The following FLACC1 variants were observed in gnomAD, a reference collection of about 807,000 sequenced individuals.
FLACC1 encodes flagellum associated containing coiled-coil domains 1.
A neutral mutation model predicts 62.8 loss-of-function variants in FLACC1; 66 were observed. That is an observed-to-expected ratio of 1.05 (90% CI 0.86 to 1.29). FLACC1 has a LOEUF of 1.29. FLACC1 is among the 50% of genes most tolerant of loss of function. FLACC1 has a pLI of 0.00. For synonymous variants in FLACC1, 156 were observed against 161.0 expected (o/e 0.97, Z 0.24); for missense variants, 452 against 489.1 (o/e 0.92, Z 0.71).
At chr2:201,312,946 T>G (rs1414222429) in intron 9 of FLACC1, among the ~76,000 whole-genome samples, 1 of 152,206 alleles carries the variant, frequency 6.6e-6, no homozygotes, top group Non-Finnish European at 1.5e-5. Flanking sequence ...ACAACCTCAC[T>G]GGGGAACCTG....
In FLACC1 at chr2:201,289,516, T is replaced by A. The variant is rs1181765133; in HGVS notation, c.1083A>T (p.Glu361Asp). 6.2e-7 allele frequency: 1 copy of A among 1,614,210 alleles called. No individual in the cohort carries two copies. The highest frequency in any genetic ancestry group is 1.7e-5 in the Admixed American group (1 of 60,020). Residue 361 changes from glutamate (E) to aspartate (D), a missense_variant, in exon 14 of 15, where the codon GAA becomes GAT. By Grantham distance (45) the Glu-to-Asp change is conservative. This residue lies in a region of FLACC1 where 301 missense variants were observed against 318.4 expected (regional missense o/e 0.95). Coordinates refer to ENST00000392257, the MANE Select transcript of FLACC1 (RefSeq NM_001127391.3). ...TGGTGTGCTTATACTTTTCTTCAGT[T>A]TCAGCAAACTTGGTTTGAAGCATTT... is the stretch of plus-strand genomic sequence containing the variant. ...LEKMLQTKFA[E>D]TEEKYKHTIQ...
chr2:201,327,249 C>T (rs1950514149), intron 9 of FLACC1, among the ~76,000 whole-genome samples: 1 of 152,060 alleles, frequency 6.6e-6, no homozygotes, highest in Admixed American at 6.6e-5. Flanking sequence ...CTCTTCCAGT[C>T]ATTGGCTTAG....
intron 5 of FLACC1, 152 bp from the exon 6 acceptor site, chr2:201,344,415 G>T: frequency 7.5e-6 from 5 of 663,706 alleles, no homozygotes; most frequent in Non-Finnish European, 5.3e-6. Flanking sequence ...GGTGGGGGTG[G>T]AGGGATAGGG....
intron 9 of FLACC1, 122 bp from the exon 10 acceptor site, chr2:201,309,372 C>T (rs1316292564): frequency 2.8e-6 from 2 of 726,906 alleles, no homozygotes; most frequent in Admixed American, 4.4e-5. Flanking sequence ...GGGCCCATCA[C>T]CATGTTCTGT....
chr2:201,330,453 G>A lies in FLACC1; in HGVS notation c.675+17C>T. The A allele has an allele frequency of 9.9e-6, 16 of 1,609,316 alleles. No individual in the cohort carries two copies. Among genetic ancestry groups the A allele is most frequent in the Non-Finnish European group, 1.3e-5 (15 of 1,177,130 alleles). On this transcript the variant is annotated intron_variant, in intron 9 of 14. Transcript: ENST00000392257. ...CCTTCCTTCTCTTGTAATCCAACAG[G>A]GAGCTGTGTATCTCACCTGATACGT...
intron 12 of FLACC1, among the ~76,000 whole-genome samples, chr2:201,294,405 A>G (rs1003117137): frequency 6.6e-6 from 1 of 152,222 alleles, no homozygotes; most frequent in Non-Finnish European, 1.5e-5. Context: ...ATATAAACCG[A>G]ACCAATGACA....
Position 201,351,440 on chromosome 2 carries a change from A to T in FLACC1, c.-36T>A, listed in dbSNP as rs368035915. On this transcript the variant is annotated 5_prime_UTR_variant, in exon 2 of 15. It removes the in-frame stop codon of an upstream open reading frame in the 5' UTR. Transcript: ENST00000392257. Reference sequence around the variant, plus strand: ...CAGGGGGAGTCTTGGCTGCTAGATCAGGAGGCTCTTGCTGAAATTGAAAAA... The same window carrying T: ...CAGGGGGAGTCTTGGCTGCTAGATCTGGAGGCTCTTGCTGAAATTGAAAAA... 5.3e-5 allele frequency: 79 copies of T among 1,480,922 alleles called. No individual in the cohort carries two copies. The highest frequency in any genetic ancestry group is 4.0e-4 in the Middle Eastern group (2 of 5,048). The allele number at this position is 1,480,922 out of a possible 1,614,324, so 91.7% of individuals were successfully genotyped here. A position where few individuals can be genotyped will look rare whatever the true frequency, so the allele number is the denominator to read the frequency against.
chr2:201,295,561 G>A (rs1036965879), intron 12 of FLACC1, among the ~76,000 whole-genome samples: 8 of 152,126 alleles, frequency 5.3e-5, no homozygotes, highest in Non-Finnish European at 1.2e-4. Flanking sequence ...AAAAACCCTA[G>A]AAGAAAATCT....
intron 9 of FLACC1, among the ~76,000 whole-genome samples, chr2:201,319,182 A>T (rs1950356266): frequency 6.6e-6 from 1 of 152,228 alleles, no homozygotes; most frequent in African/African-American, 2.4e-5. Context: ...AATGGAACAG[A>T]ATAGCAAACT....
intron 9 of FLACC1, among the ~76,000 whole-genome samples, chr2:201,329,339 G>A (rs984456091): frequency 4.6e-5 from 7 of 152,194 alleles, no homozygotes; most frequent in Non-Finnish European, 7.3e-5. Context: ...CTTATACACC[G>A]TTGGTAGGAA....
intron 12 of FLACC1, among the ~76,000 whole-genome samples, chr2:201,296,961 C>G (rs1949878809): frequency 6.6e-6 from 1 of 151,438 alleles, no homozygotes; most frequent in South Asian, 2.1e-4. Flanking sequence ...AAATAATGGA[C>G]TAGGGTAAGG....
At chr2:201,337,770 G>A (rs187619783) in intron 7 of FLACC1, among the ~76,000 whole-genome samples, 29 of 152,214 alleles carry the variant, frequency 1.9e-4, no homozygotes, top group East Asian at 9.7e-4. Flanking sequence ...CCATCCTCTC[G>A]CCTTGGCCTC....
chr2:201,319,958 AG>A (rs748191718), intron 9 of FLACC1, among the ~76,000 whole-genome samples: 6 of 152,216 alleles, frequency 3.9e-5, no homozygotes, highest in Non-Finnish European at 7.3e-5. Context: ...GAGTGTGAGA[AG>A]GGGGACTCAC....
chr2:201,330,939 T>G, intron 7 of FLACC1, 106 bp from the exon 8 acceptor site: 1 of 713,670 alleles, frequency 1.4e-6, no homozygotes. Flanking sequence ...GGAAGTGAGG[T>G]TCTCACTTTT....
intron 11 of FLACC1, among the ~76,000 whole-genome samples, chr2:201,302,360 C>T (rs541877212): frequency 9.8e-5 from 15 of 152,286 alleles, no homozygotes; most frequent in South Asian, 8.3e-4. Context: ...GTAAAGGGAT[C>T]AATTCAACAA....
intron 12 of FLACC1, among the ~76,000 whole-genome samples, chr2:201,294,501 A>G (rs1285471428): frequency 1.3e-5 from 2 of 152,232 alleles, no homozygotes; most frequent in Non-Finnish European, 2.9e-5. Context: ...TCAATAAATT[A>G]GGTATTGGTG....
intron 9 of FLACC1, among the ~76,000 whole-genome samples, chr2:201,329,966 T>C (rs1236440680): frequency 6.6e-6 from 1 of 152,112 alleles, no homozygotes; most frequent in East Asian, 1.9e-4. Flanking sequence ...CAGCAAGCAA[T>C]TGGAAACAAC....
chr2:201,331,366 T>G (rs958225155), intron 7 of FLACC1, among the ~76,000 whole-genome samples: 25 of 152,200 alleles, frequency 1.6e-4, no homozygotes, highest in Admixed American at 1.6e-3. Context: ...GGAGCCAGCA[T>G]GACCACAGAT....
chr2:201,363,116 C>T, the FLACC1 span, among the ~76,000 whole-genome samples: 1 of 152,186 alleles, frequency 6.6e-6, no homozygotes, highest in African/African-American at 2.4e-5. Flanking sequence ...GCATTTGGAG[C>T]ACTTGCTTGT....
Sources: gnomAD v4.1 joint callset for allele counts (sites outside exome capture counted in the v4.1 genomes callset) on GRCh38, gnomAD v4.1.1 for gene constraint, gnomAD v4.1.1 regional missense constraint, MANE v1.5 for transcripts, NCBI Gene and HGNC (gene_info 2026-07-23, HGNC 2026-07-21) for gene names.